The following SH3PXD2B variants were observed in gnomAD, a reference collection of about 807,000 sequenced individuals.
SH3PXD2B encodes the protein SH3 and PX domains 2B.
Under a neutral mutation model 73.1 loss-of-function variants are expected in SH3PXD2B, and 37 were observed. The observed-to-expected ratio is 0.51, with a 90% confidence interval of 0.39 to 0.67. The LOEUF (loss-of-function observed/expected upper bound fraction) is 0.67. Ranked by LOEUF, SH3PXD2B falls within the 30% of genes least tolerant of loss-of-function variation. SH3PXD2B has a pLI of 0.00. For synonymous variants in SH3PXD2B, 457 were observed against 480.5 expected (o/e 0.95, Z 0.64); for missense variants, 1,053 against 1,197.8 (o/e 0.88, Z 1.78).
intron 1 of SH3PXD2B, among the ~76,000 whole-genome samples, chr5:172,429,309 C>A (rs1040538780): frequency 8.5e-5 from 12 of 141,676 alleles, no homozygotes; most frequent in African/African-American, 3.2e-4. Flanking sequence ...CCACAATCTG[C>A]AAACACCCCC....
Position 172,338,190 on chromosome 5 carries a change from C to T in SH3PXD2B, c.*179G>A. Reference sequence around the variant, plus strand: ...TGATGCTGTGATAGGAGGGATCAGGCCCAGGGGCGCCCGAGGTGTCCGAAA... The same window carrying T: ...TGATGCTGTGATAGGAGGGATCAGGTCCAGGGGCGCCCGAGGTGTCCGAAA... On this transcript the variant is annotated 3_prime_UTR_variant, in exon 13 of 13. Transcript: ENST00000311601. The surrounding 1 kb of genome is among the most constrained non-coding windows in gnomAD (Gnocchi z 5.1). 3 of 1,493,272 alleles carry T rather than the reference C, an allele frequency of 2.0e-6. No homozygotes were observed. The highest frequency in any genetic ancestry group is 1.8e-6 in the Non-Finnish European group (2 of 1,124,020). 92.5% of individuals were successfully genotyped at this position (1,493,272 alleles called of 1,614,324 possible).
chr5:172,423,476 A>AT (rs1759019225), intron 1 of SH3PXD2B, among the ~76,000 whole-genome samples: 1 of 149,638 alleles, frequency 6.7e-6, no homozygotes, highest in African/African-American at 2.5e-5. Flanking sequence ...CAATGCATAC[A>AT]TAAGTGAAGA....
At chr5:172,341,758 C>A (rs932960894) in intron 12 of SH3PXD2B, among the ~76,000 whole-genome samples, 25 of 152,164 alleles carry the variant, frequency 1.6e-4, no homozygotes, top group African/African-American at 6.0e-4. Flanking sequence ...TCACGCCATT[C>A]TCCTGCCTCA....
At chr5:172,374,370 C>T (rs901248284) in intron 5 of SH3PXD2B, among the ~76,000 whole-genome samples, 1 of 152,162 alleles carries the variant, frequency 6.6e-6, no homozygotes, top group Non-Finnish European at 1.5e-5. Flanking sequence ...CGTCGTCACC[C>T]GTGTCAGAGT....
chr5:172,387,003 A>G (rs1758074082), intron 4 of SH3PXD2B, among the ~76,000 whole-genome samples: 1 of 152,250 alleles, frequency 6.6e-6, no homozygotes. Flanking sequence ...AGCCCTCAGC[A>G]CAGTAGGCAG....
At position 172,359,045 on chromosome 5, in the gene SH3PXD2B, A is replaced by G. The variant is rs75578956; in HGVS notation, c.563-168T>C. Among the ~76,000 whole-genome samples, 8,794 of 152,238 alleles carry G rather than the reference A, an allele frequency of 0.058. 353 individuals carry two copies. Among genetic ancestry groups the G allele is most frequent in the South Asian group, 0.22 (1,063 of 4,816 alleles). On this transcript the variant is annotated intron_variant, in intron 7 of 12. Coordinates refer to ENST00000311601, the MANE Select transcript of SH3PXD2B (RefSeq NM_001017995.3). ...CCAATGTTACCTGCTAACTGCTAAA[A>G]GCAGGTCCAGAAACTTGCTCCTGAG... is the stretch of plus-strand genomic sequence containing the variant.
At chr5:172,426,590 G>A (rs955731803) in intron 1 of SH3PXD2B, among the ~76,000 whole-genome samples, 2 of 152,090 alleles carry the variant, frequency 1.3e-5, no homozygotes, top group African/African-American at 2.4e-5. Context: ...CCTTCCTCTG[G>A]TCTTCATGAG....
At chr5:172,372,847 G>A (rs1170353029) in intron 6 of SH3PXD2B, among the ~76,000 whole-genome samples, 1 of 152,150 alleles carries the variant, frequency 6.6e-6, no homozygotes, top group African/African-American at 2.4e-5. Flanking sequence ...ATTAAAGAGC[G>A]CTGGATTCTG....
intron 1 of SH3PXD2B, among the ~76,000 whole-genome samples, chr5:172,447,283 G>A (rs1759691267): frequency 6.6e-6 from 1 of 152,064 alleles, no homozygotes; most frequent in Admixed American, 6.5e-5. Flanking sequence ...TTTGTAATCA[G>A]GTGAAAATCA....
chr5:172,418,024 G>A (rs1458030044), intron 2 of SH3PXD2B, among the ~76,000 whole-genome samples: 2 of 152,188 alleles, frequency 1.3e-5, no homozygotes, highest in Admixed American at 1.3e-4. Flanking sequence ...ACACAGATAA[G>A]TTTTAACTCA....
chr5:172,341,369 A>AC (rs1325549425), intron 12 of SH3PXD2B, among the ~76,000 whole-genome samples: 2 of 152,154 alleles, frequency 1.3e-5, no homozygotes, highest in African/African-American at 4.8e-5. Context: ...TGTTTGGGTC[A>AC]CGGGGGCAGA....
Position 172,394,591 on chromosome 5 carries a change from C to T in SH3PXD2B, c.281G>A (p.Arg94His), listed in dbSNP as rs769643795. The T allele has an allele frequency of 2.5e-6, 4 of 1,614,106 alleles. No homozygotes were observed. Among genetic ancestry groups the T allele is most frequent in the Admixed American group, 1.7e-5 (1 of 60,022 alleles). Residue 94 changes from arginine (R) to histidine (H), a missense_variant, in exon 4 of 13, where the codon CGC (arginine) becomes CAC (histidine). Coordinates refer to ENST00000311601, the MANE Select transcript of SH3PXD2B (RefSeq NM_001017995.3). ...ACAGTATTCATCAATTGGTATCAGGCGTTTGACAGCCACGTCCCGGATGTG... is the reference window on the plus strand; with the variant it reads ...ACAGTATTCATCAATTGGTATCAGGTGTTTGACAGCCACGTCCCGGATGTG... ...RSHIRDVAVK[R>H]LIPIDEYCKA...
At chr5:172,361,441 C>G (rs975965550) in intron 7 of SH3PXD2B, among the ~76,000 whole-genome samples, 1 of 152,158 alleles carries the variant, frequency 6.6e-6, no homozygotes, top group African/African-American at 2.4e-5. Flanking sequence ...CCCACTCACC[C>G]TCTCCCTTCT....
rs564486072 is a variant in SH3PXD2B at position 172,337,733 on chromosome 5, C to T, written c.*636G>A. On this transcript the variant is annotated 3_prime_UTR_variant, in exon 13 of 13. Coordinates refer to ENST00000311601, the MANE Select transcript of SH3PXD2B (RefSeq NM_001017995.3). ...CCAAGATAGAAGGTGGGAGGCAGGG[C>T]GGCTGAGCGGATCTCCAGGCCCACT... The T allele has an allele frequency of 8.3e-5, 82 of 992,788 alleles. No individual in the cohort carries two copies. Among genetic ancestry groups the T allele is most frequent in the Non-Finnish European group, 9.6e-5 (80 of 834,438 alleles). The allele number at this position is 992,788 out of a possible 1,614,324, so 61.5% of individuals were successfully genotyped here. A position where few individuals can be genotyped will look rare whatever the true frequency, so the allele number is the denominator to read the frequency against.
chr5:172,354,453 T>C (rs1358375654), intron 8 of SH3PXD2B, among the ~76,000 whole-genome samples: 1 of 152,240 alleles, frequency 6.6e-6, no homozygotes, highest in Non-Finnish European at 1.5e-5. Context: ...GGCAGTTCTT[T>C]GTCTGTCTTG....
chr5:172,428,447 G>A (rs1277385128), intron 1 of SH3PXD2B, among the ~76,000 whole-genome samples: 2 of 152,172 alleles, frequency 1.3e-5, no homozygotes, highest in African/African-American at 4.8e-5. Context: ...GAAAATGCAC[G>A]GCAACTGGAA....
rs1404428708 is a variant in SH3PXD2B, at chr5:172,337,997, T to TTG, written c.*371_*372insCA. 8.4e-7 allele frequency: 1 copy of TTG among 1,184,906 alleles called. No homozygotes were observed. Among genetic ancestry groups the TTG allele is most frequent in the African/African-American group, 1.6e-5 (1 of 63,516 alleles). 73.4% of individuals were successfully genotyped at this position (1,184,906 alleles called of 1,614,324 possible). ...CCCTTACTGTGCCATGTCCAAGCCA[T>TTG]GAGAGACCCTTGCTGGAGTTTCTCC... is the stretch of plus-strand genomic sequence containing the variant. On this transcript the variant is annotated 3_prime_UTR_variant, in exon 13 of 13. Coordinates refer to ENST00000311601, the MANE Select transcript of SH3PXD2B (RefSeq NM_001017995.3).
chr5:172,336,584 T>A lies in SH3PXD2B; in HGVS notation c.*1785A>T, dbSNP rs1756698093. The A allele has an allele frequency of 1.0e-6, 1 of 985,772 alleles. No individual in the cohort carries two copies. The allele number at this position is 985,772 out of a possible 1,614,324, so 61.1% of individuals were successfully genotyped here. On this transcript the variant is annotated 3_prime_UTR_variant, in exon 13 of 13. Transcript: ENST00000311601. ...AGAAGAGGGCTGTTCAAGCAAAACT[T>A]TGGCACTGCAGGTAGACACTGAGCA...
At chr5:172,348,665 A>ATCTGTCTGTCTG (rs1408498831) in intron 10 of SH3PXD2B, among the ~76,000 whole-genome samples, 2 of 41,312 alleles carry the variant, frequency 4.8e-5, no homozygotes, top group African/African-American at 1.4e-4. Context: ...CTATCTATCT[A>ATCTGTCTGTCTG]TCTATCTATC....
Sources: gnomAD v4.1 joint callset for allele counts (sites outside exome capture counted in the v4.1 genomes callset) on GRCh38, gnomAD v4.1.1 for gene constraint, Gnocchi (gnomAD v3.1) non-coding constraint, MANE v1.5 for transcripts, NCBI Gene and HGNC (gene_info 2026-07-23, HGNC 2026-07-21) for gene names.